Variants in ERC2 observed in about 807,000 individuals in gnomAD.
ERC2 encodes the protein ERC protein 2.
ERC2 carries 42 observed loss-of-function variants against 114.8 expected under a neutral mutation model. The observed-to-expected ratio is 0.37, with a 90% CI of 0.29 to 0.47. ERC2 has a LOEUF of 0.47. ERC2 is among the 20% of genes least tolerant of loss of function. The pLI, the probability that ERC2 is intolerant of heterozygous loss-of-function variation, is 0.99. For synonymous variants in ERC2, 454 were observed against 425.5 expected, an observed-to-expected ratio of 1.07 and a Z score of -0.82; for missense variants, 939 against 1,150.7, an observed-to-expected ratio of 0.82 and a Z score of 2.66.
intron 5 of ERC2, among the ~76,000 whole-genome samples, chr3:56,148,504 C>G (rs1159239523): frequency 6.6e-6 from 1 of 152,170 alleles, no homozygotes; most frequent in Non-Finnish European, 1.5e-5. Flanking sequence ...CCAGGCCGGT[C>G]TCGAACTCCT....
At chr3:56,023,812 A>AAGGT (rs1309261785) in intron 7 of ERC2, among the ~76,000 whole-genome samples, 1 of 151,924 alleles carries the variant, frequency 6.6e-6, no homozygotes, top group African/African-American at 2.4e-5. Flanking sequence ...GGAAGGAAGG[A>AAGGT]ATTCTAAAGA....
At chr3:55,694,143 C>T (rs1263200282) in intron 16 of ERC2, among the ~76,000 whole-genome samples, 2 of 152,292 alleles carry the variant, frequency 1.3e-5, no homozygotes, top group South Asian at 2.1e-4. Flanking sequence ...CATAAATACA[C>T]GTGGTTGCAT....
chr3:56,405,615 A>G (rs549516844), intron 2 of ERC2, among the ~76,000 whole-genome samples: 1 of 149,838 alleles, frequency 6.7e-6, no homozygotes, highest in South Asian at 2.1e-4. Flanking sequence ...ATAGATGGAT[A>G]GATGGATGGA....
intron 7 of ERC2, among the ~76,000 whole-genome samples, chr3:56,032,889 G>GAAAGAAAGAA (rs1560055876): frequency 3.2e-4 from 28 of 88,568 alleles, no homozygotes; most frequent in East Asian, 5.9e-4. Context: ...GAAAGAAAGA[G>GAAAGAAAGAA]AGAGAGAGAG....
chr3:56,421,983 A>C (rs1265798216), intron 2 of ERC2, among the ~76,000 whole-genome samples: 1 of 152,198 alleles, frequency 6.6e-6, no homozygotes, highest in Non-Finnish European at 1.5e-5. Context: ...TTGCTGGCAG[A>C]GGCAGAAATC....
chr3:56,340,991 A>T (rs576485442), intron 2 of ERC2, among the ~76,000 whole-genome samples: 21 of 152,320 alleles, frequency 1.4e-4, no homozygotes, highest in African/African-American at 4.3e-4. Flanking sequence ...GGGGGAAAAA[A>T]TCCTGAAACT....
chr3:56,367,858 G>C (rs2059208920), intron 2 of ERC2, among the ~76,000 whole-genome samples: 1 of 150,290 alleles, frequency 6.7e-6, no homozygotes, highest in Non-Finnish European at 1.5e-5. Flanking sequence ...GACTGTTTGA[G>C]CCCAGGAGTT....
chr3:56,390,116 A>T (rs1002610787), intron 2 of ERC2, among the ~76,000 whole-genome samples: 6 of 152,286 alleles, frequency 3.9e-5, no homozygotes, highest in Non-Finnish European at 8.8e-5. Context: ...TGAAAAAAAA[A>T]TCCTTTTCTG....
At chr3:56,298,693 G>T (rs1463296133) in intron 2 of ERC2, among the ~76,000 whole-genome samples, 2 of 149,600 alleles carry the variant, frequency 1.3e-5, no homozygotes, top group African/African-American at 2.5e-5. Context: ...ATTAGTGATT[G>T]CTGGGGGGTG....
Position 55,779,327 on chromosome 3 carries a change from CAAAAAAAAAAA to C in ERC2, c.2565-44420_2565-44410del, listed in dbSNP as rs60185894. 9.1e-3 allele frequency among the ~76,000 whole-genome samples: 566 copies of C among 62,478 alleles called. 8 individuals carry two copies. The highest frequency in any genetic ancestry group is 0.026 in the African/African-American group (530 of 20,782). 41.0% of individuals were successfully genotyped at this position (62,478 alleles called of 152,430 possible). Reference sequence around the variant, plus strand: ...TGAAACCCCATCTCTACTAAAAATACAAAAAAAAAAAAAAAAAAAAAAAAATTAGCTGGGTG... The same window carrying C: ...TGAAACCCCATCTCTACTAAAAATACAAAAAAAAAAAAAATTAGCTGGGTG... On this transcript the variant is annotated intron_variant, in intron 14 of 17. Coordinates refer to ENST00000288221, the MANE Select transcript of ERC2 (RefSeq NM_015576.3).
chr3:56,132,794 T>C (rs2080283115), intron 6 of ERC2, among the ~76,000 whole-genome samples: 1 of 152,216 alleles, frequency 6.6e-6, no homozygotes, highest in South Asian at 2.1e-4. Flanking sequence ...CATGCATATA[T>C]GAATATATGT....
intron 17 of ERC2, among the ~76,000 whole-genome samples, chr3:55,670,857 T>A (rs989964307): frequency 2.0e-5 from 3 of 152,196 alleles, no homozygotes; most frequent in Non-Finnish European, 4.4e-5. Flanking sequence ...AAACGAATAT[T>A]TTGTGACACA....
intron 14 of ERC2, among the ~76,000 whole-genome samples, chr3:55,781,642 G>C (rs766353414): frequency 3.3e-5 from 5 of 151,754 alleles, no homozygotes; most frequent in Non-Finnish European, 5.9e-5. Flanking sequence ...GAGGCCGAGG[G>C]GGGTGGATCA....
chr3:56,301,600 G>A (rs2055878712), intron 2 of ERC2, among the ~76,000 whole-genome samples: 1 of 152,036 alleles, frequency 6.6e-6, no homozygotes. Context: ...GCTGGGCACA[G>A]TGGCATATGC....
intron 14 of ERC2, among the ~76,000 whole-genome samples, chr3:55,811,053 C>T (rs906795415): frequency 2.0e-5 from 3 of 152,210 alleles, no homozygotes; most frequent in African/African-American, 4.8e-5. Context: ...CTTGGTGATA[C>T]GGAAAGGTTC....
chr3:55,966,736 A>G (rs2068774299), intron 12 of ERC2, among the ~76,000 whole-genome samples: 1 of 152,170 alleles, frequency 6.6e-6, no homozygotes, highest in Admixed American at 6.5e-5. Flanking sequence ...CCCTGTTATC[A>G]GAGCTAACCA....
intron 14 of ERC2, among the ~76,000 whole-genome samples, chr3:55,766,272 A>T (rs2067782134): frequency 7.4e-6 from 1 of 134,568 alleles, no homozygotes; most frequent in Non-Finnish European, 1.6e-5. Flanking sequence ...TCTCTCCACA[A>T]GAAAAAAAAA....
intron 3 of ERC2, among the ~76,000 whole-genome samples, chr3:56,219,944 T>C (rs1415672412): frequency 6.6e-6 from 1 of 152,170 alleles, no homozygotes; most frequent in Non-Finnish European, 1.5e-5. Context: ...ACGTGGCTGT[T>C]AGGGAGATTA....
intron 17 of ERC2, among the ~76,000 whole-genome samples, chr3:55,635,114 C>T (rs815458): frequency 0.56 from 85,654 of 151,946 alleles, 25,257 homozygotes; most frequent in Non-Finnish European, 0.65. Context: ...CTCGTGACCT[C>T]GTGATCTGCC....
Sources: gnomAD v4.1 joint callset for allele counts (sites outside exome capture counted in the v4.1 genomes callset) on GRCh38, gnomAD v4.1.1 for gene constraint, MANE v1.5 for transcripts, NCBI Gene and HGNC (gene_info 2026-07-23, HGNC 2026-07-21) for gene names.